Variants in HPGD observed in about 807,000 individuals in gnomAD.
HPGD encodes the protein 15-hydroxyprostaglandin dehydrogenase [NAD(+)].
A neutral mutation model predicts 30.0 loss-of-function variants in HPGD; 29 were observed. The ratio of observed to expected loss-of-function variants is 0.97; its 90% CI spans 0.72 to 1.32. HPGD has a LOEUF of 1.32. Among genes scored for constraint, HPGD ranks in the 40% most tolerant of loss-of-function variants. The pLI is 0.00. For synonymous variants in HPGD, 99 were observed against 112.4 expected, an observed-to-expected ratio of 0.88 and a Z score of 0.75; for missense variants, 340 against 322.1, an observed-to-expected ratio of 1.06 and a Z score of -0.43.
At chr4:174,517,303 G>A (rs552874173) in intron 3 of HPGD, among the ~76,000 whole-genome samples, 24 of 152,130 alleles carry the variant, frequency 1.6e-4, no homozygotes, top group South Asian at 6.2e-4. Flanking sequence ...CACGAACCAC[G>A]AACTTTCAGG....
chr4:174,501,786 GAAAAA>G (rs45591831), intron 4 of HPGD, among the ~76,000 whole-genome samples: 1 of 150,828 alleles, frequency 6.6e-6, no homozygotes, highest in South Asian at 2.1e-4. Flanking sequence ...AAGTCATTCA[GAAAAA>G]AAAATGTAAA....
Position 174,496,274 on chromosome 4 carries a change from T to A in HPGD, c.422-650A>T, listed in dbSNP as rs1374318737. Among the ~76,000 whole-genome samples, 2 of 152,234 alleles carry A rather than the reference T, an allele frequency of 1.3e-5. No individual in the cohort carries two copies. Among genetic ancestry groups the A allele is most frequent in the East Asian group, 3.8e-4 (2 of 5,200 alleles). On this transcript the variant is annotated intron_variant, in intron 4 of 6. Coordinates refer to ENST00000296522, the MANE Select transcript of HPGD (RefSeq NM_000860.6). This position sits in a 1 kb window ranked among gnomAD's most constrained non-coding sequence, Gnocchi z 4.6. ...TATTTTATTTCCTTTCATAATTATGTAGTCAACTATGAAATTCAATCAATT... is the reference window on the plus strand; with the variant it reads ...TATTTTATTTCCTTTCATAATTATGAAGTCAACTATGAAATTCAATCAATT...
chr4:174,522,524 T>TGC (rs938395873), upstream of HPGD: 32 of 1,179,804 alleles, frequency 2.7e-5, no homozygotes, highest in East Asian at 1.7e-4. Context: ...TATGCCCCCC[T>TGC]GCGCGCGCGC....
chr4:174,504,004 G>A (rs1735048339), intron 4 of HPGD, among the ~76,000 whole-genome samples: 1 of 152,116 alleles, frequency 6.6e-6, no homozygotes, highest in South Asian at 2.1e-4. Flanking sequence ...GATTATAGGT[G>A]TGAGCCATGA....
intron 4 of HPGD, 81 bp downstream of exon 4, chr4:174,508,615 T>C (rs961309796): frequency 2.4e-6 from 2 of 848,268 alleles, no homozygotes; most frequent in Non-Finnish European, 4.1e-6. Flanking sequence ...GAGCTGATAA[T>C]AAATATGCTT....
intron 4 of HPGD, chr4:174,507,975 C>G: frequency 1.8e-6 from 1 of 570,428 alleles, no homozygotes; most frequent in South Asian, 2.4e-5. Flanking sequence ...AACATGAGCT[C>G]AAGTTCTATA....
In HPGD at chr4:174,522,443, C is replaced by T. The variant is rs1256941233; in HGVS notation, c.9G>A (p.Val3=). The change falls in exon 1 of 7, where the codon GTG becomes GTA. Residue 3 remains valine (V), a synonymous_variant. Transcript: ENST00000296522. MH[V]NGKVALVTGA... ...CGGTCACCAGCGCCACTTTGCCGTT[C>T]ACGTGCATGGTGCAGCCACTGCTGG... 4 of 1,579,724 alleles carry T rather than the reference C, an allele frequency of 2.5e-6. No individual in the cohort carries two copies. The highest frequency in any genetic ancestry group is 2.2e-4 in the Middle Eastern group (1 of 4,462).
At chr4:174,495,414 A>G (rs1484075476) in intron 5 of HPGD, 134 bp downstream of exon 5, 1 of 704,840 alleles carries the variant, frequency 1.4e-6, no homozygotes, top group Non-Finnish European at 2.6e-6. Context: ...ATAACTTTTT[A>G]TAATTGAGAT....
In HPGD at chr4:174,494,425, T is replaced by C. The variant is rs1243402012; in HGVS notation, c.499-1111A>G. On this transcript the variant is annotated intron_variant, in intron 5 of 6. Coordinates refer to ENST00000296522, the MANE Select transcript of HPGD (RefSeq NM_000860.6). This position sits in a 1 kb window ranked among gnomAD's most constrained non-coding sequence, Gnocchi z 4.9. ...ACATAACCACCATGCATACTGAGAA[T>C]TGACTGTAGAAGTTTCCAGTCTTGT... is the stretch of plus-strand genomic sequence containing the variant. Among the ~76,000 whole-genome samples the C allele has an allele frequency of 6.6e-6, 1 of 152,194 alleles. No homozygotes were observed. The highest frequency in any genetic ancestry group is 2.4e-5 in the African/African-American group (1 of 41,450).
rs1360019053 is a variant in HPGD at position 174,497,568 on chromosome 4, C to CTTTCTT, written c.422-1945_422-1944insAAGAAA. ...CACTTTCTTTTCTTTCTTTTTCTTTCTTTTTTTTTTTTTTTTTTTTTTTTT... is the reference window on the plus strand; with the variant it reads ...CACTTTCTTTTCTTTCTTTTTCTTTCTTTCTTTTTTTTTTTTTTTTTTTTTTTTTTT... On this transcript the variant is annotated intron_variant, in intron 4 of 6. Transcript: ENST00000296522. Among the ~76,000 whole-genome samples, 276 of 51,058 alleles carry CTTTCTT rather than the reference C, an allele frequency of 5.4e-3. 34 individuals carry two copies. The highest frequency in any genetic ancestry group is 6.4e-3 in the African/African-American group (96 of 14,956). 33.5% of individuals were successfully genotyped at this position (51,058 alleles called of 152,430 possible). A position where few individuals can be genotyped will look rare whatever the true frequency, so the allele number is the denominator to read the frequency against.
chr4:174,506,009 C>T (rs1038985004), intron 4 of HPGD, among the ~76,000 whole-genome samples: 4 of 152,142 alleles, frequency 2.6e-5, no homozygotes, highest in Non-Finnish European at 4.4e-5. Flanking sequence ...ATCAAGTCAT[C>T]GTTTTATCTG....
intron 4 of HPGD, among the ~76,000 whole-genome samples, chr4:174,504,290 G>A (rs904883410): frequency 6.6e-6 from 1 of 152,074 alleles, no homozygotes; most frequent in African/African-American, 2.4e-5. Flanking sequence ...ATGCCACTGG[G>A]TTGTTACTTA....
In HPGD at chr4:174,495,551, T is replaced by C. The variant is rs769696472; in HGVS notation, c.495A>G (p.Ala165=). The part of the protein sequence containing the change: ...KHGIVGFTRS[A]ALAANLMNSG... ...ATGACGGTTGTTGTAGCCTCACCGC[T>C]GCTGAGCGTGTGAATCCAACTATGC... is the stretch of plus-strand genomic sequence containing the variant. Residue 165 remains alanine (A), a synonymous_variant, in exon 5 of 7, where the codon GCA becomes GCG. Transcript: ENST00000296522. 1 of 1,609,092 alleles carries C rather than the reference T, an allele frequency of 6.2e-7. No homozygotes were observed. Among genetic ancestry groups the C allele is most frequent in the South Asian group, 1.1e-5 (1 of 90,990 alleles).
At chr4:174,507,945 A>G in intron 4 of HPGD, 2 of 543,286 alleles carry the variant, frequency 3.7e-6, no homozygotes, top group South Asian at 2.8e-5. Flanking sequence ...TCCCAGACAG[A>G]CTCGCTTACA....
At chr4:174,498,962 A>G (rs1158456108) in intron 4 of HPGD, among the ~76,000 whole-genome samples, 1 of 152,180 alleles carries the variant, frequency 6.6e-6, no homozygotes, top group Non-Finnish European at 1.5e-5. Flanking sequence ...TAGGAATCCA[A>G]CATTTTCTAC....
intron 2 of HPGD, among the ~76,000 whole-genome samples, chr4:174,518,677 A>G (rs1579304755): frequency 6.6e-6 from 1 of 152,180 alleles, no homozygotes; most frequent in Non-Finnish European, 1.5e-5. Flanking sequence ...GATGTTTACT[A>G]TTTCCTTCTT....
At chr4:174,495,415 T>A in intron 5 of HPGD, 133 bp downstream of exon 5, 1 of 708,028 alleles carries the variant, frequency 1.4e-6, no homozygotes, top group South Asian at 1.5e-5. Context: ...TAACTTTTTA[T>A]AATTGAGATG....
chr4:174,512,327 A>G (rs1175674462), intron 3 of HPGD, among the ~76,000 whole-genome samples: 1 of 152,234 alleles, frequency 6.6e-6, no homozygotes, highest in Non-Finnish European at 1.5e-5. Flanking sequence ...TAGCATGAAT[A>G]GCATGAATTA....
At chr4:174,504,918 C>T (rs1445797690) in intron 4 of HPGD, among the ~76,000 whole-genome samples, 1 of 152,158 alleles carries the variant, frequency 6.6e-6, no homozygotes, top group African/African-American at 2.4e-5. Context: ...TGCATTAAAC[C>T]AGACTTCGTT....
Sources: gnomAD v4.1 joint callset for allele counts (sites outside exome capture counted in the v4.1 genomes callset) on GRCh38, gnomAD v4.1.1 for gene constraint, Gnocchi (gnomAD v3.1) non-coding constraint, MANE v1.5 for transcripts, NCBI Gene and HGNC (gene_info 2026-07-23, HGNC 2026-07-21) for gene names.